Variants in MYT1L observed in about 807,000 individuals in gnomAD.
The protein encoded by MYT1L is myelin transcription factor 1-like protein.
Under a neutral mutation model 126.7 loss-of-function variants are expected in MYT1L, and 12 were observed. That is an observed-to-expected ratio of 0.09 (90% confidence interval 0.06 to 0.15). The LOEUF (loss-of-function observed/expected upper bound fraction) is 0.15, where lower values mean the gene tolerates loss of function less well. Ranked by LOEUF, MYT1L falls within the 10% of genes least tolerant of loss-of-function variation. The pLI, the probability that MYT1L is intolerant of heterozygous loss-of-function variation, is 1.00. For missense variants in MYT1L, 979 were observed against 1,585.2 expected (o/e 0.62, Z 6.49); for synonymous variants, 541 against 604.2 (o/e 0.90, Z 1.53).
At chr2:2,296,631 G>A (rs1300191902) in intron 1 of MYT1L, among the ~76,000 whole-genome samples, 1 of 152,150 alleles carries the variant, frequency 6.6e-6, no homozygotes, top group Non-Finnish European at 1.5e-5. Flanking sequence ...GAGTGAGAAA[G>A]GGGCGTGTGG....
intron 8 of MYT1L, among the ~76,000 whole-genome samples, chr2:1,970,643 A>G (rs956248870): frequency 6.6e-6 from 1 of 152,204 alleles, no homozygotes; most frequent in Non-Finnish European, 1.5e-5. Flanking sequence ...GGAATTGCAC[A>G]GCTGGGCCAC....
intron 21 of MYT1L, among the ~76,000 whole-genome samples, chr2:1,833,487 C>A (rs73913429): frequency 0.045 from 6,837 of 152,236 alleles, 498 homozygotes; most frequent in African/African-American, 0.16. Flanking sequence ...CTCATGTATA[C>A]AATCAACATT....
chr2:1,878,070 TA>T (rs1402621753), intron 18 of MYT1L, among the ~76,000 whole-genome samples: 1 of 152,240 alleles, frequency 6.6e-6, no homozygotes, highest in African/African-American at 2.4e-5. Context: ...CTCTCTTTGA[TA>T]ACACCTGATT....
At position 1,791,265 on chromosome 2, in the gene MYT1L, AAAAC is replaced by A. The variant is rs1199750006; in HGVS notation, c.*598_*601del. The A allele has an allele frequency of 1.7e-5, 8 of 467,944 alleles. No individual in the cohort carries two copies. Among genetic ancestry groups the A allele is most frequent in the South Asian group, 3.2e-5 (2 of 63,252 alleles). The allele number at this position is 467,944 out of a possible 1,614,324, so 29.0% of individuals were successfully genotyped here. Reference sequence around the variant, plus strand: ...TGCCCCCACCATACACCATCCTCCTAAAACAAACAAACAAAAAAGTCACATAATA... The same window carrying A: ...TGCCCCCACCATACACCATCCTCCTAAAACAAACAAAAAAGTCACATAATA... On this transcript the variant is annotated 3_prime_UTR_variant, in exon 25 of 25. Transcript: ENST00000647738. This position sits in a 1 kb window ranked among gnomAD's most constrained non-coding sequence, Gnocchi z 6.0.
intron 3 of MYT1L, among the ~76,000 whole-genome samples, chr2:2,170,529 C>T (rs1339677781): frequency 6.6e-6 from 1 of 152,150 alleles, no homozygotes; most frequent in Non-Finnish European, 1.5e-5. Context: ...AATGTTGGCC[C>T]ACCAGGTCTA....
In MYT1L at chr2:1,852,605, C is replaced by A. The variant is rs1210444936; in HGVS notation, c.2712-902G>T. ...TGTCTCAAGAATAATGAGATCACACCGCAAACACATTTTCACTTTGAGCTA... is the reference window on the plus strand; with the variant it reads ...TGTCTCAAGAATAATGAGATCACACAGCAAACACATTTTCACTTTGAGCTA... On this transcript the variant is annotated intron_variant, in intron 18 of 24. Coordinates refer to ENST00000647738, the MANE Select transcript of MYT1L (RefSeq NM_001303052.2). This position sits in a 1 kb window ranked among gnomAD's most constrained non-coding sequence, Gnocchi z 4.0. 1.3e-5 allele frequency among the ~76,000 whole-genome samples: 2 copies of A among 151,944 alleles called. No individual in the cohort carries two copies. Among genetic ancestry groups the A allele is most frequent in the Admixed American group, 6.6e-5 (1 of 15,256 alleles).
intron 23 of MYT1L, among the ~76,000 whole-genome samples, chr2:1,798,195 C>CCA (rs2147871887): frequency 3.2e-5 from 1 of 31,326 alleles, no homozygotes; most frequent in Admixed American, 3.0e-4. Context: ...CGGTCTCCCT[C>CCA]TTCTCCGGCA....
chr2:2,080,848 A>G (rs1421150431), intron 3 of MYT1L, among the ~76,000 whole-genome samples: 1 of 152,224 alleles, frequency 6.6e-6, no homozygotes, highest in Admixed American at 6.5e-5. Context: ...TTTCACTCCT[A>G]AGATAATGAA....
In MYT1L at chr2:2,027,451, C is replaced by A. The variant is rs116566263; in HGVS notation, c.-158+26527G>T. Among the ~76,000 whole-genome samples the A allele has an allele frequency of 3.9e-3, 601 of 152,318 alleles. 3 individuals are homozygous for A. Among genetic ancestry groups the A allele is most frequent in the Middle Eastern group, 0.02 (6 of 294 alleles). On this transcript the variant is annotated intron_variant, in intron 4 of 24. Coordinates refer to ENST00000647738, the MANE Select transcript of MYT1L (RefSeq NM_001303052.2). ...GAAAGGCACAGACGCTGCCGGATGA[C>A]CCCCGGCCATTCTTGGATTCATGGG...
At chr2:1,936,622 C>T (rs1156571894) in intron 9 of MYT1L, among the ~76,000 whole-genome samples, 1 of 152,194 alleles carries the variant, frequency 6.6e-6, no homozygotes, top group Non-Finnish European at 1.5e-5. Flanking sequence ...GAACTCATTG[C>T]CTTTTCTGCT....
At chr2:2,236,790 CTTCTTCTTCTTCTTCTTCTTCTTCTTTTT>C (rs1471721752) in intron 2 of MYT1L, among the ~76,000 whole-genome samples, 2 of 16,396 alleles carry the variant, frequency 1.2e-4, no homozygotes, top group African/African-American at 1.1e-3. Flanking sequence ...TCTTCTTCTT[CTTCTTCTTCTTCTTCTTCTTCTTCTTTTT>C]TTTTTTTTTT....
At chr2:1,840,877 C>T in intron 19 of MYT1L, 34 bp from the exon 20 acceptor site, 1 of 1,351,204 alleles carries the variant, frequency 7.4e-7, no homozygotes, top group Non-Finnish European at 1.0e-6. Context: ...AAGCACCCCA[C>T]ACCGTTGATT....
intron 1 of MYT1L, among the ~76,000 whole-genome samples, chr2:2,297,824 A>G (rs1237735206): frequency 1.3e-5 from 2 of 152,104 alleles, no homozygotes. Context: ...AGGAGCCCCA[A>G]ATTTTGGTAA....
chr2:2,222,971 TCTTA>T (rs1165341333), intron 2 of MYT1L, among the ~76,000 whole-genome samples: 1 of 152,208 alleles, frequency 6.6e-6, no homozygotes, highest in African/African-American at 2.4e-5. Flanking sequence ...GAATCGACAT[TCTTA>T]CTATCTTCTG....
intron 2 of MYT1L, among the ~76,000 whole-genome samples, chr2:2,202,752 A>C (rs1371271330): frequency 6.6e-6 from 1 of 152,182 alleles, no homozygotes; most frequent in East Asian, 1.9e-4. Context: ...AAAAGAGGGA[A>C]TCCTCCCTAA....
At chr2:1,966,535 G>C (rs2059372071) in intron 8 of MYT1L, among the ~76,000 whole-genome samples, 1 of 152,030 alleles carries the variant, frequency 6.6e-6, no homozygotes, top group Admixed American at 6.6e-5. Flanking sequence ...CCTCACCCCA[G>C]CAATTCTCCT....
intron 4 of MYT1L, among the ~76,000 whole-genome samples, chr2:2,013,807 A>T (rs1290860778): frequency 1.3e-5 from 2 of 152,240 alleles, no homozygotes; most frequent in African/African-American, 4.8e-5. Flanking sequence ...CAAAGCACCC[A>T]TGTGGGTTCT....
chr2:2,039,592 C>A (rs151027741), intron 4 of MYT1L, among the ~76,000 whole-genome samples: 1 of 152,168 alleles, frequency 6.6e-6, no homozygotes, highest in East Asian at 1.9e-4. Flanking sequence ...ACATGATAGA[C>A]GATAAAGAAT....
intron 2 of MYT1L, among the ~76,000 whole-genome samples, chr2:2,194,510 TC>T (rs2092717189): frequency 6.6e-6 from 1 of 152,170 alleles, no homozygotes; most frequent in African/African-American, 2.4e-5. Context: ...GGTGCGACAT[TC>T]CTCTGCTGGG....
Sources: gnomAD v4.1 joint callset for allele counts (sites outside exome capture counted in the v4.1 genomes callset) on GRCh38, gnomAD v4.1.1 for gene constraint, Gnocchi (gnomAD v3.1) non-coding constraint, MANE v1.5 for transcripts, NCBI Gene and HGNC (gene_info 2026-07-23, HGNC 2026-07-21) for gene names.